TMEM108: variants seen among roughly 807,000 people sequenced by gnomAD.
The protein encoded by TMEM108 is cancer/testis antigen 124.
Under a neutral mutation model 35.1 loss-of-function variants are expected in TMEM108, and 12 were observed. The observed-to-expected ratio is 0.34, with a 90% CI of 0.22 to 0.55. The LOEUF (loss-of-function observed/expected upper bound fraction) is 0.55. Ranked by LOEUF, TMEM108 falls within the 20% of genes least tolerant of loss-of-function variation. The pLI, the probability that TMEM108 is intolerant of heterozygous loss-of-function variation, is 0.89. For synonymous variants in TMEM108, 287 were observed against 308.6 expected (o/e 0.93, Z 0.73); for missense variants, 680 against 753.3 (o/e 0.90, Z 1.14).
At chr3:133,181,236 T>G (rs1945339859) in intron 2 of TMEM108, among the ~76,000 whole-genome samples, 1 of 152,148 alleles carries the variant, frequency 6.6e-6, no homozygotes, top group African/African-American at 2.4e-5. Context: ...GAGGCTCATC[T>G]ATGAACCATC....
chr3:133,094,323 C>A (rs571554998), intron 2 of TMEM108, among the ~76,000 whole-genome samples: 1 of 149,422 alleles, frequency 6.7e-6, no homozygotes, highest in African/African-American at 2.5e-5. Context: ...TTCAGGGCTA[C>A]TCAACTGTAG....
chr3:133,313,952 A>G (rs2071165616), intron 3 of TMEM108, among the ~76,000 whole-genome samples: 1 of 152,162 alleles, frequency 6.6e-6, no homozygotes, highest in African/African-American at 2.4e-5. Context: ...GATTAGAATT[A>G]GAGAAAGCTG....
At chr3:133,387,300 A>G in intron 4 of TMEM108, 1 of 985,448 alleles carries the variant, frequency 1.0e-6, no homozygotes, top group Non-Finnish European at 1.2e-6. Context: ...GGTGGAATAC[A>G]TGGCAGAGTC....
rs926837669 is a variant in TMEM108 at position 133,213,315 on chromosome 3, C to T, written c.-46-15951C>T. On this transcript the variant is annotated intron_variant, in intron 2 of 5. Coordinates refer to ENST00000321871, the MANE Select transcript of TMEM108 (RefSeq NM_023943.4). ...TAGGAGTGCTCTAATTAGGTATCAG[C>T]CCCATTTAAAAATGAGAAAGTTGAG... 2.6e-5 allele frequency among the ~76,000 whole-genome samples: 4 copies of T among 152,276 alleles called. 1 individual carries two copies. Among genetic ancestry groups the T allele is most frequent in the Admixed American group, 1.3e-4 (2 of 15,288 alleles).
rs1001599194 is a variant in TMEM108 at position 133,048,668 on chromosome 3, A to G, written c.-47+2648A>G. On this transcript the variant is annotated intron_variant, in intron 2 of 5. Coordinates refer to ENST00000321871, the MANE Select transcript of TMEM108 (RefSeq NM_023943.4). ...GACTTGCTTACAAAGTTTCCAACAA[A>G]TGCACTGTATTTTGGATCTACTATG... 6.6e-5 allele frequency among the ~76,000 whole-genome samples: 10 copies of G among 152,324 alleles called. No individual in the cohort carries two copies. The South Asian group carries it at 2.1e-3, about 32-fold the overall frequency.
chr3:133,062,946 G>A (rs1943553030), intron 2 of TMEM108, among the ~76,000 whole-genome samples: 1 of 152,220 alleles, frequency 6.6e-6, no homozygotes, highest in African/African-American at 2.4e-5. Context: ...ATGGAAGGGA[G>A]TGGTTATGAC....
At chr3:133,175,016 C>T (rs2107794693) in intron 2 of TMEM108, among the ~76,000 whole-genome samples, 1 of 152,272 alleles carries the variant, frequency 6.6e-6, no homozygotes, top group East Asian at 1.9e-4. Flanking sequence ...GGCACGAGAA[C>T]TATGTGACGA....
rs751125951 is a variant in TMEM108 at position 133,386,392 on chromosome 3, G to T, written c.1451-3788G>T. 3.3e-6 allele frequency: 5 copies of T among 1,536,120 alleles called. No individual in the cohort carries two copies. The South Asian group carries it at 5.9e-5, about 18-fold the overall frequency. ...GAAAGGTTGAATCCTCAGGGGACCT[G>T]CAGGGTTTCATTTCCATTTCTCATC... On this transcript the variant is annotated intron_variant, in intron 4 of 5. Coordinates refer to ENST00000321871, the MANE Select transcript of TMEM108 (RefSeq NM_023943.4).
chr3:133,322,347 A>G (rs2071277055), intron 3 of TMEM108, among the ~76,000 whole-genome samples: 2 of 152,168 alleles, frequency 1.3e-5, no homozygotes, highest in Non-Finnish European at 2.9e-5. Context: ...AGATACTACA[A>G]CTGACACCAC....
chr3:133,300,838 G>A (rs1431550970), intron 3 of TMEM108, among the ~76,000 whole-genome samples: 3 of 151,980 alleles, frequency 2.0e-5, no homozygotes, highest in Non-Finnish European at 4.4e-5. Context: ...CACATCAAAG[G>A]TGTGCTTGCA....
chr3:133,320,944 A>G (rs905858097), intron 3 of TMEM108, among the ~76,000 whole-genome samples: 2 of 152,220 alleles, frequency 1.3e-5, no homozygotes, highest in Admixed American at 6.5e-5. Context: ...AAGGAGAGAT[A>G]AAGTCTTTTT....
At chr3:133,204,210 G>A (rs549993405) in intron 2 of TMEM108, among the ~76,000 whole-genome samples, 61 of 151,016 alleles carry the variant, frequency 4.0e-4, no homozygotes, top group African/African-American at 1.4e-3. Context: ...AGCCTGGTTG[G>A]CAGTCTAGCT....
At chr3:133,222,486 C>T (rs1490339403) in intron 2 of TMEM108, among the ~76,000 whole-genome samples, 1 of 151,950 alleles carries the variant, frequency 6.6e-6, no homozygotes, top group Admixed American at 6.6e-5. Context: ...GTTCCTTTGT[C>T]TTTTTCTTAA....
chr3:133,243,508 C>T (rs1164954665), intron 3 of TMEM108, among the ~76,000 whole-genome samples: 2 of 134,742 alleles, frequency 1.5e-5, no homozygotes, highest in African/African-American at 5.7e-5. Flanking sequence ...GGGAAATATT[C>T]ATGTCTTTTT....
intron 2 of TMEM108, among the ~76,000 whole-genome samples, chr3:133,174,195 G>T (rs1164892969): frequency 4.6e-5 from 7 of 152,252 alleles, no homozygotes; most frequent in Admixed American, 4.6e-4. Context: ...CAAACTGGGT[G>T]GAGCCCACCT....
intron 3 of TMEM108, among the ~76,000 whole-genome samples, chr3:133,293,639 C>T (rs62279005): frequency 0.34 from 52,015 of 151,754 alleles, 9,213 homozygotes; most frequent in East Asian, 0.48. Context: ...CTTCCTAAGA[C>T]GGATGTTGAG....
chr3:133,307,917 G>A (rs1238833905), intron 3 of TMEM108, among the ~76,000 whole-genome samples: 2 of 152,086 alleles, frequency 1.3e-5, no homozygotes, highest in African/African-American at 2.4e-5. Flanking sequence ...GTAGCTTGAT[G>A]AGGATGGCAT....
intron 3 of TMEM108, among the ~76,000 whole-genome samples, chr3:133,234,448 A>G (rs887378758): frequency 6.6e-6 from 1 of 152,218 alleles, no homozygotes; most frequent in African/African-American, 2.4e-5. Flanking sequence ...GTTTCAATAT[A>G]CGCACATCAA....
chr3:133,141,221 A>G (rs1029533772), intron 2 of TMEM108, among the ~76,000 whole-genome samples: 2 of 152,168 alleles, frequency 1.3e-5, no homozygotes, highest in African/African-American at 4.8e-5. Flanking sequence ...CAGCAGGGCC[A>G]TTGTGGTTGA....
Sources: allele counts gnomAD v4.1 joint callset (sites outside exome capture counted in the v4.1 genomes callset), GRCh38; gene constraint gnomAD v4.1.1; transcripts MANE v1.5; gene names NCBI Gene and HGNC (gene_info 2026-07-23, HGNC 2026-07-21).